Variants in AK7 observed in about 807,000 individuals in gnomAD.
The protein encoded by AK7 is ATP-AMP transphosphorylase 7.
In AK7, 78 loss-of-function variants were observed where a neutral mutation model predicts 96.6. That is an observed-to-expected ratio of 0.81 (90% CI 0.67 to 0.97). The LOEUF is 0.97. Ranked by LOEUF, AK7 falls within the 50% of genes least tolerant of loss-of-function variation. The pLI is 0.00. For synonymous variants in AK7, 302 were observed against 317.2 expected, an observed-to-expected ratio of 0.95 and a Z score of 0.51; for missense variants, 855 against 887.9, an observed-to-expected ratio of 0.96 and a Z score of 0.47.
chr14:96,392,163 A>C lies in AK7; in HGVS notation c.9A>C (p.Glu3Asp). 1 of 1,613,078 alleles carries C rather than the reference A, an allele frequency of 6.2e-7. No homozygotes were observed. The highest frequency in any genetic ancestry group is 8.5e-7 in the Non-Finnish European group (1 of 1,179,138). MA[E>D]EEETAALTEK... ...CCAGCGCGGCTCCCACCATGGCTGA[A>C]GAAGAGGAAACTGCTGCTCTCACGG... Residue 3 changes from glutamate to aspartate, a missense_variant, in exon 1 of 18, where the codon GAA becomes GAC. Transcript: ENST00000267584.
chr14:96,411,927 C>T (rs2140013318), intron 4 of AK7, among the ~76,000 whole-genome samples: 1 of 152,296 alleles, frequency 6.6e-6, no homozygotes, highest in South Asian at 2.1e-4. Context: ...CCACTGGGCG[C>T]CAAGGACTGG....
intron 2 of AK7, among the ~76,000 whole-genome samples, chr14:96,401,243 A>T (rs1293004341): frequency 3.3e-5 from 5 of 152,186 alleles, no homozygotes; most frequent in African/African-American, 1.2e-4. Context: ...GCATGCACAG[A>T]GCATCACCCA....
In AK7 at chr14:96,442,833, A is replaced by G. The variant is rs1274614528; in HGVS notation, c.779+15A>G. ...GATCTAGCAGGGTAAGCATTCGCCC[A>G]GAGACGTGACCTTCACAGAATTGGT... On this transcript the variant is annotated intron_variant, in intron 7 of 17. Coordinates refer to ENST00000267584, the MANE Select transcript of AK7 (RefSeq NM_152327.5). 6 of 1,608,302 alleles carry G rather than the reference A, an allele frequency of 3.7e-6. No individual in the cohort carries two copies. Among genetic ancestry groups the G allele is most frequent in the Non-Finnish European group, 5.1e-6 (6 of 1,174,768 alleles).
chr14:96,402,958 G>A (rs1014377356), intron 2 of AK7, among the ~76,000 whole-genome samples: 2 of 151,858 alleles, frequency 1.3e-5, no homozygotes, highest in Non-Finnish European at 2.9e-5. Context: ...GTGAAACCCC[G>A]TCTGTACTAA....
chr14:96,469,647 G>A (rs1320285421), intron 12 of AK7, among the ~76,000 whole-genome samples: 1 of 152,170 alleles, frequency 6.6e-6, no homozygotes, highest in Admixed American at 6.5e-5. Context: ...GGGAAGTAAT[G>A]TAGAATCATT....
intron 1 of AK7, 66 bp from the exon 2 acceptor site, chr14:96,398,006 AATC>A: frequency 6.6e-6 from 10 of 1,504,562 alleles, no homozygotes; most frequent in Non-Finnish European, 9.0e-6. Flanking sequence ...AAGTTTCTAG[AATC>A]ATCATTCACT....
intron 3 of AK7, among the ~76,000 whole-genome samples, chr14:96,406,516 T>C (rs1431840194): frequency 6.6e-6 from 1 of 152,200 alleles, no homozygotes; most frequent in Non-Finnish European, 1.5e-5. Flanking sequence ...TTTTGAGATA[T>C]AGAGTGTTTG....
In AK7 at chr14:96,408,914, T is replaced by A; in HGVS notation, c.471T>A (p.Thr157=). The change falls in exon 4 of 18, where the codon ACT becomes ACA. Residue 157 remains threonine (T), a synonymous_variant. Coordinates refer to ENST00000267584, the MANE Select transcript of AK7 (RefSeq NM_152327.5). ...TTATTTTACTGTCGACGGTGATGAC[T>A]TGGGCGCGCTCCAAAGCCCTGGACC... ...KLFILLSTVM[T]WARSKALDPE... The A allele has an allele frequency of 6.2e-7, 1 of 1,614,260 alleles. No individual in the cohort carries two copies. Among genetic ancestry groups the A allele is most frequent in the Non-Finnish European group, 8.5e-7 (1 of 1,180,044 alleles).
In AK7 at chr14:96,392,140, A is replaced by G; in HGVS notation, c.-15A>G. The G allele has an allele frequency of 1.2e-6, 2 of 1,603,874 alleles. No homozygotes were observed. Among genetic ancestry groups the G allele is most frequent in the Non-Finnish European group, 8.5e-7 (1 of 1,171,392 alleles). On this transcript the variant is annotated 5_prime_UTR_variant, in exon 1 of 18. Coordinates refer to ENST00000267584, the MANE Select transcript of AK7 (RefSeq NM_152327.5). ...GAGTGGCGCTTTCACCTTAGCAACC[A>G]GCGCGGCTCCCACCATGGCTGAAGA...
chr14:96,471,737 C>G (rs969952026), intron 13 of AK7, 131 bp downstream of exon 13: 2 of 798,344 alleles, frequency 2.5e-6, no homozygotes, highest in South Asian at 1.0e-4. Context: ...TTTGGCTCAC[C>G]TTTCTTTACG....
chr14:96,396,669 T>C (rs892257022), intron 1 of AK7, among the ~76,000 whole-genome samples: 9 of 152,224 alleles, frequency 5.9e-5, no homozygotes, highest in African/African-American at 2.2e-4. Context: ...TATTTATATA[T>C]GCTTAATAGA....
chr14:96,400,983 G>A (rs1341118767), intron 2 of AK7, among the ~76,000 whole-genome samples: 1 of 152,142 alleles, frequency 6.6e-6, no homozygotes, highest in African/African-American at 2.4e-5. Flanking sequence ...AGAGCTGTGG[G>A]CTCTTCCCTT....
At chr14:96,436,521 T>A (rs1440463469) in intron 5 of AK7, among the ~76,000 whole-genome samples, 3 of 152,178 alleles carry the variant, frequency 2.0e-5, no homozygotes, top group Admixed American at 1.3e-4. Flanking sequence ...GGTTCTCACC[T>A]GTAATCCCAG....
At chr14:96,469,051 C>T (rs1388162762) in intron 12 of AK7, among the ~76,000 whole-genome samples, 2 of 151,924 alleles carry the variant, frequency 1.3e-5, no homozygotes, top group Non-Finnish European at 2.9e-5. Context: ...CCCATAATTA[C>T]CAAAAAATGC....
At chr14:96,470,927 A>G (rs1325963176) in intron 12 of AK7, among the ~76,000 whole-genome samples, 1 of 152,226 alleles carries the variant, frequency 6.6e-6, no homozygotes, top group African/African-American at 2.4e-5. Flanking sequence ...TTGGGATTAC[A>G]GAACACTTTG....
At chr14:96,430,479 C>T (rs540855452) in intron 5 of AK7, among the ~76,000 whole-genome samples, 3 of 152,124 alleles carry the variant, frequency 2.0e-5, no homozygotes, top group Admixed American at 1.3e-4. Flanking sequence ...TGAGCCACCA[C>T]GCCTGGCCAG....
chr14:96,433,341 C>G (rs1447438452), intron 5 of AK7, among the ~76,000 whole-genome samples: 1 of 152,128 alleles, frequency 6.6e-6, no homozygotes, highest in Non-Finnish European at 1.5e-5. Flanking sequence ...TCACATAGTC[C>G]AATATTTCTT....
intron 5 of AK7, among the ~76,000 whole-genome samples, chr14:96,434,472 A>G (rs944048116): frequency 4.6e-5 from 7 of 150,690 alleles, no homozygotes; most frequent in Non-Finnish European, 1.0e-4. Context: ...TAAGCCACCT[A>G]AAGCTGGGGG....
intron 2 of AK7, among the ~76,000 whole-genome samples, chr14:96,402,800 T>A (rs1160049992): frequency 1.3e-5 from 2 of 151,396 alleles, no homozygotes; most frequent in Non-Finnish European, 2.9e-5. Flanking sequence ...ATGGCCATAT[T>A]TGGAGATAGG....
Sources: allele counts gnomAD v4.1 joint callset (sites outside exome capture counted in the v4.1 genomes callset), GRCh38; gene constraint gnomAD v4.1.1; transcripts MANE v1.5; gene names NCBI Gene and HGNC (gene_info 2026-07-23, HGNC 2026-07-21).